The following ZNF599 variants were observed in gnomAD, a reference collection of about 807,000 sequenced individuals.
The protein encoded by ZNF599 is zinc finger protein 599.
A neutral mutation model predicts 11.7 loss-of-function variants in ZNF599; 10 were observed. That is an observed-to-expected ratio of 0.86 (90% CI 0.53 to 1.45). The LOEUF is 1.45. Among genes scored for constraint, ZNF599 ranks in the 40% most tolerant of loss-of-function variants. The probability of loss-of-function intolerance (pLI) is 0.00; values close to 1 mark genes in which losing one functional copy is unlikely to be tolerated. For synonymous variants in ZNF599, 232 were observed against 253.2 expected (o/e 0.92, Z 0.79); for missense variants, 688 against 713.6 (o/e 0.96, Z 0.41).
rs1406152899 is a variant in ZNF599, at chr19:34,767,327, C to T, written c.230G>A (p.Ser77Asn). The change falls in exon 3 of 4, where the codon AGC (serine) becomes AAC (asparagine). Residue 77 changes from serine to asparagine, a missense_variant. Coordinates refer to ENST00000329285, the MANE Select transcript of ZNF599 (RefSeq NM_001007248.3). The stretch of plus-strand genomic sequence containing the variant: ...TCTCAGTCACCAACCTGCGCAGGTG[C>T]TTTGGGAGAGGCCTCTCTTCACTGT... ...LWTVKRGLSQ[S>N]TCAGEKAKPK... The T allele has an allele frequency of 1.2e-6, 2 of 1,614,028 alleles. No individual in the cohort carries two copies. Among genetic ancestry groups the T allele is most frequent in the South Asian group, 2.2e-5 (2 of 91,068 alleles).
chr19:34,807,156 A>G, the ZNF599 span, among the ~76,000 whole-genome samples: 3 of 152,138 alleles, frequency 2.0e-5, no homozygotes, highest in African/African-American at 7.2e-5. Context: ...GACTCACCAC[A>G]CTGGCTTTCA....
the ZNF599 span, among the ~76,000 whole-genome samples, chr19:34,781,303 A>C: frequency 1.3e-5 from 2 of 152,330 alleles, no homozygotes; most frequent in Admixed American, 1.3e-4. Flanking sequence ...GAAAAAGAAA[A>C]AATAAAATCA....
chr19:34,791,338 G>A, the ZNF599 span, among the ~76,000 whole-genome samples: 1 of 152,194 alleles, frequency 6.6e-6, no homozygotes, highest in Non-Finnish European at 1.5e-5. Context: ...TTTAAATTGA[G>A]CCACATGTTG....
At chr19:34,787,367 G>C in the ZNF599 span, among the ~76,000 whole-genome samples, 2 of 152,128 alleles carry the variant, frequency 1.3e-5, no homozygotes, top group African/African-American at 4.8e-5. Flanking sequence ...TCACTCAAAT[G>C]CATCAAGCAG....
the ZNF599 span, among the ~76,000 whole-genome samples, chr19:34,806,595 CT>C: frequency 1.3e-5 from 2 of 152,108 alleles, no homozygotes; most frequent in Non-Finnish European, 2.9e-5. Flanking sequence ...GGCTGATGAG[CT>C]GAGACTGCTT....
At chr19:34,805,103 G>A in the ZNF599 span, among the ~76,000 whole-genome samples, 1 of 151,798 alleles carries the variant, frequency 6.6e-6, no homozygotes, top group Non-Finnish European at 1.5e-5. Flanking sequence ...AATTGTCTTG[G>A]TAAGTACTTT....
At chr19:34,781,770 C>T in the ZNF599 span, among the ~76,000 whole-genome samples, 1 of 152,096 alleles carries the variant, frequency 6.6e-6, no homozygotes, top group East Asian at 1.9e-4. Flanking sequence ...GTGTCCAGGC[C>T]CAAGAAAAAT....
At position 34,772,853 on chromosome 19, in the gene ZNF599, GC is replaced by G; in HGVS notation, c.-13del. The G allele has an allele frequency of 6.7e-7, 1 of 1,483,372 alleles. No individual in the cohort carries two copies. The highest frequency in any genetic ancestry group is 8.9e-7 in the Non-Finnish European group (1 of 1,121,784). 91.9% of individuals were successfully genotyped at this position (1,483,372 alleles called of 1,614,324 possible). A position where few individuals can be genotyped will look rare whatever the true frequency, so the allele number is the denominator to read the frequency against. On this transcript the variant is annotated 5_prime_UTR_variant, in exon 1 of 4. Transcript: ENST00000329285. ...GCCGGCGCCGCCATGGGCCCAGGGG[GC>G]TGGGTGAGGCCGTGAGAGTCGGCGA...
At chr19:34,778,674 T>C in the ZNF599 span, among the ~76,000 whole-genome samples, 1 of 152,246 alleles carries the variant, frequency 6.6e-6, no homozygotes, top group South Asian at 2.1e-4. Context: ...GTTGTGTCTA[T>C]AGCTTTACAT....
chr19:34,771,013 C>T (rs2069180438), intron 1 of ZNF599, among the ~76,000 whole-genome samples: 1 of 152,166 alleles, frequency 6.6e-6, no homozygotes, highest in African/African-American at 2.4e-5. Flanking sequence ...GGCACGTCGG[C>T]TCATGCCAGT....
At chr19:34,797,609 C>T in the ZNF599 span, among the ~76,000 whole-genome samples, 2 of 152,118 alleles carry the variant, frequency 1.3e-5, no homozygotes, top group African/African-American at 4.8e-5. Flanking sequence ...GCATAAATGT[C>T]TTCTTTTGAG....
At chr19:34,798,886 A>C in the ZNF599 span, among the ~76,000 whole-genome samples, 1 of 152,170 alleles carries the variant, frequency 6.6e-6, no homozygotes, top group African/African-American at 2.4e-5. Context: ...TGGCCATAAA[A>C]ATCCCTTGCA....
the ZNF599 span, among the ~76,000 whole-genome samples, chr19:34,782,422 C>G: frequency 6.6e-6 from 1 of 152,136 alleles, no homozygotes; most frequent in East Asian, 1.9e-4. Flanking sequence ...AAATGCCAGC[C>G]AAAAAAGGGG....
intron 1 of ZNF599, among the ~76,000 whole-genome samples, chr19:34,770,718 T>C (rs2069177954): frequency 6.6e-6 from 1 of 152,200 alleles, no homozygotes; most frequent in African/African-American, 2.4e-5. Flanking sequence ...ACCACGTCTG[T>C]CCTGGGTGAG....
chr19:34,807,494 T>C, the ZNF599 span, among the ~76,000 whole-genome samples: 1 of 152,168 alleles, frequency 6.6e-6, no homozygotes, highest in Non-Finnish European at 1.5e-5. Flanking sequence ...GGACAAGGCT[T>C]CCTGTTGCCT....
the ZNF599 span, among the ~76,000 whole-genome samples, chr19:34,802,019 C>T: frequency 6.6e-6 from 1 of 152,220 alleles, no homozygotes; most frequent in African/African-American, 2.4e-5. Context: ...TCAGGGGGCT[C>T]TGACCTGTGA....
chr19:34,776,671 C>G (rs1032028039), upstream of ZNF599, among the ~76,000 whole-genome samples: 1 of 152,172 alleles, frequency 6.6e-6, no homozygotes, highest in Non-Finnish European at 1.5e-5. Flanking sequence ...GGGGCTCAGA[C>G]TGTGAGGGTT....
intron 3 of ZNF599, chr19:34,765,300 GTACATGATAAAATA>G (rs2069135784): frequency 4.5e-6 from 2 of 440,570 alleles, no homozygotes; most frequent in Non-Finnish European, 8.3e-6. Flanking sequence ...ATGATGGAAT[GTACATGATAAAATA>G]TATGTAATTT....
chr19:34,789,407 T>A, the ZNF599 span, among the ~76,000 whole-genome samples: 1 of 152,206 alleles, frequency 6.6e-6, no homozygotes, highest in Admixed American at 6.5e-5. Flanking sequence ...AATTCTATGT[T>A]TACTTTTTTG....
Sources: gnomAD v4.1 joint callset for allele counts (sites outside exome capture counted in the v4.1 genomes callset) on GRCh38, gnomAD v4.1.1 for gene constraint, MANE v1.5 for transcripts, NCBI Gene and HGNC (gene_info 2026-07-23, HGNC 2026-07-21) for gene names.